The following MTUS1 variants were observed in gnomAD, a reference collection of about 807,000 sequenced individuals.
MTUS1 encodes microtubule associated scaffold protein 1.
In MTUS1, 109 loss-of-function variants were observed where a neutral mutation model predicts 120.8. The ratio of observed to expected loss-of-function variants is 0.90; its 90% CI spans 0.77 to 1.06. MTUS1 has a LOEUF of 1.06. Among genes scored for constraint, MTUS1 ranks in the 50% least tolerant of loss-of-function variants. The pLI, the probability that MTUS1 is intolerant of heterozygous loss-of-function variation, is 0.00. For synonymous variants in MTUS1, 737 were observed against 550.5 expected (o/e 1.34, Z -4.74); for missense variants, 2,210 against 1,486.3 (o/e 1.49, Z -8.01).
intron 6 of MTUS1, among the ~76,000 whole-genome samples, chr8:17,694,873 T>C (rs1817649079): frequency 6.6e-6 from 1 of 152,092 alleles, no homozygotes; most frequent in Admixed American, 6.5e-5. Flanking sequence ...AATTCACAGA[T>C]TTGGAGGCTA....
intron 6 of MTUS1, chr8:17,691,939 A>G (rs1000396545): frequency 6.6e-6 from 1 of 152,258 alleles, no homozygotes; most frequent in Non-Finnish European, 1.5e-5. Context: ...AATTCATTCA[A>G]GAGATCAAAA....
intron 6 of MTUS1, among the ~76,000 whole-genome samples, chr8:17,688,072 G>A (rs1307014560): frequency 6.6e-6 from 1 of 152,176 alleles, no homozygotes; most frequent in Non-Finnish European, 1.5e-5. Context: ...CAATCTGCTG[G>A]CTTTTCCAAT....
intron 4 of MTUS1, chr8:17,716,698 G>C (rs1418094606): frequency 6.6e-6 from 1 of 152,412 alleles, no homozygotes; most frequent in Non-Finnish European, 1.5e-5. Context: ...GGGACTACAG[G>C]CGCCCGCGGC....
intron 5 of MTUS1, 128 bp downstream of exon 5, chr8:17,715,639 T>C: frequency 1.0e-6 from 1 of 985,548 alleles, no homozygotes; most frequent in Non-Finnish European, 1.5e-6. Flanking sequence ...GTATTATATC[T>C]CCTTTCTCAA....
chr8:17,656,959 T>G (rs1808414726), intron 8 of MTUS1, among the ~76,000 whole-genome samples: 1 of 147,344 alleles, frequency 6.8e-6, no homozygotes, highest in South Asian at 2.1e-4. Context: ...CTCGGGAAGT[T>G]GAGGCAGGAG....
At chr8:17,757,679 T>C (rs2048727392) in intron 1 of MTUS1, among the ~76,000 whole-genome samples, 1 of 152,086 alleles carries the variant, frequency 6.6e-6, no homozygotes, top group Non-Finnish European at 1.5e-5. Flanking sequence ...GGTGTACACC[T>C]TCATGCGTGG....
In MTUS1 at chr8:17,755,228, C is replaced by A. The variant is rs959854963; in HGVS notation, c.580G>T (p.Gly194Cys). ...GAAGATGTACTTCCACTTCTCCTACCAGTTGGTGGCAGGCTTCCAGCAGTA... is the reference window on the plus strand; with the variant it reads ...GAAGATGTACTTCCACTTCTCCTACAAGTTGGTGGCAGGCTTCCAGCAGTA... Reference protein sequence around the residue: ...FHTAGSLPPTGRRSGSTSSLS... With the variant: ...FHTAGSLPPTCRRSGSTSSLS... Residue 194 changes from glycine (G) to cysteine (C), a missense_variant, in exon 2 of 15, where the codon GGT becomes TGT. By Grantham distance (159) the Gly-to-Cys change is radical. Coordinates refer to ENST00000693296, the MANE Select transcript of MTUS1 (RefSeq NM_001363059.2). 1.2e-6 allele frequency: 2 copies of A among 1,614,016 alleles called. No homozygotes were observed. Among genetic ancestry groups the A allele is most frequent in the African/African-American group, 2.7e-5 (2 of 74,900 alleles).
chr8:17,744,696 T>C (rs1251076537), intron 2 of MTUS1, among the ~76,000 whole-genome samples: 31 of 149,100 alleles, frequency 2.1e-4, no homozygotes, highest in Non-Finnish European at 4.5e-4. Context: ...TTTCTTTTTT[T>C]TTTTTTTTTT....
At position 17,800,183 on chromosome 8, in the gene MTUS1, T is replaced by TCC. The variant is rs1222753357; in HGVS notation, c.-155+876_-155+877dup. Among the ~76,000 whole-genome samples, 4 of 152,138 alleles carry TCC rather than the reference T, an allele frequency of 2.6e-5. No individual in the cohort carries two copies. In the South Asian group the frequency reaches 8.3e-4, roughly 32 times the overall value. ...GCAATGACTCTCTTTTTTAATCCCCTCCCTCCTGCATTGCCTCCCTTCCTC... is the reference window on the plus strand; with the variant it reads ...GCAATGACTCTCTTTTTTAATCCCCTCCCCCTCCTGCATTGCCTCCCTTCCTC... On this transcript the variant is annotated intron_variant, in intron 1 of 14. Transcript: ENST00000693296.
intron 1 of MTUS1, among the ~76,000 whole-genome samples, chr8:17,763,995 G>C (rs1423867773): frequency 1.1e-4 from 16 of 152,132 alleles, no homozygotes; most frequent in Non-Finnish European, 4.4e-5. Context: ...ATCCCTCCTT[G>C]GAGGATTAGT....
At chr8:17,758,883 T>TA (rs1458798127) in intron 1 of MTUS1, among the ~76,000 whole-genome samples, 2 of 152,200 alleles carry the variant, frequency 1.3e-5, no homozygotes, top group African/African-American at 4.8e-5. Context: ...CAAAGTTATT[T>TA]TTTATTTATT....
chr8:17,709,354 C>T (rs1820809656), intron 6 of MTUS1, among the ~76,000 whole-genome samples: 1 of 152,078 alleles, frequency 6.6e-6, no homozygotes, highest in Non-Finnish European at 1.5e-5. Context: ...TCAATCCGGA[C>T]CTCTCTTCTA....
chr8:17,719,879 C>A (rs1417669302), intron 4 of MTUS1, among the ~76,000 whole-genome samples: 1 of 152,192 alleles, frequency 6.6e-6, no homozygotes, highest in Non-Finnish European at 1.5e-5. Flanking sequence ...AAAACACCAT[C>A]CTGCCAAACA....
At position 17,646,849 on chromosome 8, in the gene MTUS1, G is replaced by A. The variant is rs1805896897; in HGVS notation, c.3599+133C>T. The A allele has an allele frequency of 9.1e-6, 6 of 657,344 alleles. No individual in the cohort carries two copies. In the Admixed American group the frequency reaches 1.7e-4, roughly 19 times the overall value. The allele number at this position is 657,344 out of a possible 1,614,324, so 40.7% of individuals were successfully genotyped here. A position where few individuals can be genotyped will look rare whatever the true frequency, so the allele number is the denominator to read the frequency against. On this transcript the variant is annotated intron_variant, in intron 14 of 14. Transcript: ENST00000693296. ...CTACTACAATCATATTTTCCACAGA[G>A]AAATCAATGCCCTTTTAACCATCTG...
intron 1 of MTUS1, among the ~76,000 whole-genome samples, chr8:17,758,687 C>T (rs2048810569): frequency 6.6e-6 from 1 of 152,164 alleles, no homozygotes; most frequent in Non-Finnish European, 1.5e-5. Flanking sequence ...AGTTAACAGA[C>T]TGTGGCATAA....
intron 2 of MTUS1, among the ~76,000 whole-genome samples, chr8:17,750,678 A>G (rs1044222427): frequency 3.3e-5 from 5 of 152,180 alleles, no homozygotes; most frequent in African/African-American, 4.8e-5. Context: ...CAATGTATGG[A>G]AAGCACCTGA....
intron 1 of MTUS1, among the ~76,000 whole-genome samples, chr8:17,763,452 G>C (rs1277093647): frequency 6.6e-6 from 1 of 152,174 alleles, no homozygotes; most frequent in Non-Finnish European, 1.5e-5. Context: ...CTTCCACGTG[G>C]AGGGAGTTTA....
intron 2 of MTUS1, among the ~76,000 whole-genome samples, chr8:17,750,781 T>G (rs562490706): frequency 6.6e-6 from 1 of 152,296 alleles, no homozygotes; most frequent in South Asian, 2.1e-4. Context: ...ATCAATTCCT[T>G]TCCTTTTAGG....
intron 4 of MTUS1, chr8:17,723,437 C>T: frequency 1.8e-6 from 1 of 560,748 alleles, no homozygotes; most frequent in Non-Finnish European, 3.2e-6. Flanking sequence ...ACCATCACTT[C>T]AGACGATGCA....
Sources: allele counts gnomAD v4.1 joint callset (sites outside exome capture counted in the v4.1 genomes callset), GRCh38; gene constraint gnomAD v4.1.1; transcripts MANE v1.5; gene names NCBI Gene and HGNC (gene_info 2026-07-23, HGNC 2026-07-21).